PAK3: variants seen among roughly 807,000 people sequenced by gnomAD.
PAK3 encodes p21 (RAC1) activated kinase 3.
Under a neutral mutation model 41.0 loss-of-function variants are expected in PAK3, and 4 were observed. That is an observed-to-expected ratio of 0.10 (90% confidence interval 0.05 to 0.22). PAK3 has a LOEUF of 0.22. Among genes scored for constraint, PAK3 ranks in the 10% least tolerant of loss-of-function variants. PAK3 has a pLI of 1.00. For synonymous variants in PAK3, 146 were observed against 139.6 expected, an observed-to-expected ratio of 1.05 and a Z score of -0.32; for missense variants, 205 against 409.9, an observed-to-expected ratio of 0.50 and a Z score of 4.32.
intron 16 of PAK3, among the ~76,000 whole-genome samples, chrX:111,198,881 G>T (rs1192400937): frequency 9.0e-6 from 1 of 111,291 alleles, no homozygotes; most frequent in African/African-American, 3.3e-5. Context: ...TTGGTATTTT[G>T]ATATGAACAG....
intron 1 of PAK3, among the ~76,000 whole-genome samples, chrX:111,062,461 A>C (rs2092665013): frequency 8.9e-6 from 1 of 112,425 alleles, no homozygotes; most frequent in South Asian, 3.7e-4. Context: ...CATAGGCAGC[A>C]TGGGCCCCTG....
At chrX:111,045,394 C>T (rs2092487567) in intron 1 of PAK3, among the ~76,000 whole-genome samples, 1 of 111,719 alleles carries the variant, frequency 9.0e-6, no homozygotes, top group Non-Finnish European at 1.9e-5. Context: ...TTGAGCACAG[C>T]ATTTCTATTG....
At chrX:110,986,423 A>C (rs1377838099) in intron 1 of PAK3, among the ~76,000 whole-genome samples, 1 of 111,986 alleles carries the variant, frequency 8.9e-6, no homozygotes, top group Non-Finnish European at 1.9e-5. Context: ...AAATAAAAGA[A>C]GAGAGGGAAA....
At chrX:111,041,984 A>G (rs1411932916) in intron 1 of PAK3, among the ~76,000 whole-genome samples, 4 of 111,891 alleles carry the variant, frequency 3.6e-5, no homozygotes, top group Non-Finnish European at 5.6e-5. Context: ...TACTGCATAT[A>G]TATGTGTCTC....
intron 1 of PAK3, among the ~76,000 whole-genome samples, chrX:111,071,874 C>T (rs2092748046): frequency 1.8e-5 from 2 of 112,017 alleles, no homozygotes; most frequent in Non-Finnish European, 3.8e-5. Context: ...AAATACAAGA[C>T]TAAAACACAC....
intron 14 of PAK3, 54 bp downstream of exon 14, chrX:111,194,472 C>T: frequency 1.5e-6 from 1 of 648,562 alleles, no homozygotes; most frequent in Non-Finnish European, 2.6e-6. Context: ...GGCAGTTCTT[C>T]ATTTCTGATT....
At chrX:111,042,663 G>A (rs1049664447) in intron 1 of PAK3, among the ~76,000 whole-genome samples, 3 of 111,574 alleles carry the variant, frequency 2.7e-5, no homozygotes, top group Admixed American at 1.9e-4. Flanking sequence ...AAAATCCAAT[G>A]ATCCAAAAGT....
At chrX:111,191,114 G>T (rs1214812343) in intron 11 of PAK3, among the ~76,000 whole-genome samples, 2 of 111,688 alleles carry the variant, frequency 1.8e-5, no homozygotes, top group Non-Finnish European at 3.8e-5. Flanking sequence ...GACATGGACT[G>T]GCTCATTATT....
chrX:111,224,827 C>T lies in PAK3; in HGVS notation c.*4380C>T, dbSNP rs1230238165. 1 of 112,455 alleles carries T rather than the reference C, an allele frequency of 8.9e-6. No homozygotes were observed. The highest frequency in any genetic ancestry group is 1.9e-5 in the Non-Finnish European group (1 of 53,316). 9.3% of individuals were successfully genotyped at this position (112,455 alleles called of 1,213,427 possible). A position where few individuals can be genotyped will look rare whatever the true frequency, so the allele number is the denominator to read the frequency against. On this transcript the variant is annotated 3_prime_UTR_variant, in exon 18 of 18. Coordinates refer to ENST00000372007, the MANE Select transcript of PAK3 (RefSeq NM_002578.5). ...GTTTCACTAAAAGCAGACCCTATAC[C>T]TAGAGAAGTCACTGGCTTTTTATTG...
chrX:111,212,118 G>A (rs1204241066), intron 16 of PAK3, among the ~76,000 whole-genome samples: 2 of 111,218 alleles, frequency 1.8e-5, no homozygotes, highest in South Asian at 3.8e-4. Context: ...GAGGAAGAAG[G>A]GGGAAAAGAT....
At chrX:111,103,519 A>G (rs1351464634) in intron 4 of PAK3, among the ~76,000 whole-genome samples, 1 of 111,710 alleles carries the variant, frequency 9.0e-6, no homozygotes, top group Non-Finnish European at 1.9e-5. Flanking sequence ...GACAGCCTTG[A>G]CCTACATTTT....
intron 1 of PAK3, among the ~76,000 whole-genome samples, chrX:111,018,370 A>G (rs1170266559): frequency 1.8e-5 from 2 of 112,364 alleles, no homozygotes; most frequent in Non-Finnish European, 3.8e-5. Flanking sequence ...AACTATTAGA[A>G]CTAATAAATC....
At position 110,962,957 on chromosome X, in the gene PAK3, A is replaced by G. The variant is rs140805000; in HGVS notation, c.-28+18329A>G. Reference sequence around the variant, plus strand: ...CAAGGCCCAGAATGAGGCCTCTCACAGCTTGATGTGACCTTTTGTGTGTTG... The same window carrying G: ...CAAGGCCCAGAATGAGGCCTCTCACGGCTTGATGTGACCTTTTGTGTGTTG... On this transcript the variant is annotated intron_variant, in intron 1 of 14. Coordinates refer to the PAK3 transcript ENST00000425146. Among the ~76,000 whole-genome samples, 876 of 111,599 alleles carry G rather than the reference A, an allele frequency of 7.8e-3. 9 individuals are homozygous for G. The highest frequency in any genetic ancestry group is 0.026 in the African/African-American group (796 of 30,673).
intron 4 of PAK3, among the ~76,000 whole-genome samples, chrX:111,118,761 A>C (rs2093514543): frequency 1.8e-5 from 2 of 111,917 alleles, no homozygotes; most frequent in South Asian, 7.4e-4. Context: ...AATATGAAAT[A>C]GTTATGTCTA....
At chrX:111,145,454 T>A (rs1049968083) in intron 6 of PAK3, among the ~76,000 whole-genome samples, 1 of 112,226 alleles carries the variant, frequency 8.9e-6, no homozygotes, top group Non-Finnish European at 1.9e-5. Flanking sequence ...CAGTAATGTC[T>A]GCTCTAGTGG....
chrX:111,196,847 T>C (rs2094618211), intron 16 of PAK3, among the ~76,000 whole-genome samples: 1 of 88,293 alleles, frequency 1.1e-5, no homozygotes, highest in Non-Finnish European at 1.9e-5. Flanking sequence ...TTTTTCTTTC[T>C]TTCTTTCTTT....
chrX:111,143,337 C>T (rs779752606), intron 6 of PAK3, among the ~76,000 whole-genome samples: 2 of 111,292 alleles, frequency 1.8e-5, no homozygotes, highest in Admixed American at 1.9e-4. Context: ...GTCAAATTAT[C>T]TTATTTCTTC....
chrX:111,219,023 C>T (rs183457700), intron 17 of PAK3, among the ~76,000 whole-genome samples: 15 of 108,492 alleles, frequency 1.4e-4, no homozygotes, highest in Admixed American at 3.0e-4. Flanking sequence ...AATGCTGCCT[C>T]TACTAAAAAT....
intron 1 of PAK3, among the ~76,000 whole-genome samples, chrX:111,076,754 A>C (rs1177257950): frequency 8.9e-6 from 1 of 112,296 alleles, no homozygotes; most frequent in Non-Finnish European, 1.9e-5. Context: ...TTTGTTTACA[A>C]TCAAGAACAA....
Sources: allele counts gnomAD v4.1 joint callset (sites outside exome capture counted in the v4.1 genomes callset), GRCh38; gene constraint gnomAD v4.1.1; transcripts MANE v1.5; gene names NCBI Gene and HGNC (gene_info 2026-07-23, HGNC 2026-07-21).